The following DOK1 variants were observed in gnomAD, a reference collection of about 807,000 sequenced individuals.
DOK1 encodes the protein docking protein 1, also known as Downstream of tyrosine kinase 1.
DOK1 carries 12 observed loss-of-function variants against 24.0 expected under a neutral mutation model. The observed-to-expected ratio is 0.50, with a 90% confidence interval of 0.32 to 0.81. The LOEUF is 0.81. Among genes scored for constraint, DOK1 ranks in the 30% least tolerant of loss-of-function variants. DOK1 has a pLI of 0.03. For synonymous variants in DOK1, 250 were observed against 260.9 expected (o/e 0.96, Z 0.40); for missense variants, 591 against 620.7 (o/e 0.95, Z 0.51).
upstream of DOK1, chr2:74,552,516 T>C: frequency 6.2e-7 from 1 of 1,613,466 alleles, no homozygotes; most frequent in Non-Finnish European, 8.5e-7. Context: ...CCGAAGCCCC[T>C]GGCTCCCGGC....
At chr2:74,552,494 A>G, upstream of DOK1, 1 of 1,613,554 alleles carries the variant, frequency 6.2e-7, no homozygotes, top group East Asian at 2.2e-5. Context: ...TGGGGAAGCC[A>G]GCCAGCCGGA....
chr2:74,555,801 T>C lies in DOK1; in HGVS notation c.455-93T>C. On this transcript the variant is annotated intron_variant, in intron 3 of 4. Coordinates refer to ENST00000233668, the MANE Select transcript of DOK1 (RefSeq NM_001381.5). The surrounding 1 kb of genome is among the most constrained non-coding windows in gnomAD (Gnocchi z 6.1). ...AAGGCCCTGAGATCTGGCTTCCGAGTGAGTGCTTGGACACTATGCTCATGA... is the reference window on the plus strand; with the variant it reads ...AAGGCCCTGAGATCTGGCTTCCGAGCGAGTGCTTGGACACTATGCTCATGA... The C allele has an allele frequency of 6.3e-7, 1 of 1,583,562 alleles. No individual in the cohort carries two copies. Among genetic ancestry groups the C allele is most frequent in the Non-Finnish European group, 8.6e-7 (1 of 1,165,528 alleles).
chr2:74,551,810 T>G (rs1433928014), upstream of DOK1, among the ~76,000 whole-genome samples: 1 of 152,272 alleles, frequency 6.6e-6, no homozygotes. Context: ...GGAACTGCTC[T>G]TAAGCCTCCA....
chr2:74,556,169 C>G lies in DOK1; in HGVS notation c.639+91C>G. ...AAGTGGGAAGCTCTGACCTTTGGAT[C>G]CCCCTTTCTTGCCTACCCGGTGACC... On this transcript the variant is annotated intron_variant, in intron 4 of 4. Coordinates refer to ENST00000233668, the MANE Select transcript of DOK1 (RefSeq NM_001381.5). The surrounding 1 kb of genome is among the most constrained non-coding windows in gnomAD (Gnocchi z 4.1). 1 of 1,529,870 alleles carries G rather than the reference C, an allele frequency of 6.5e-7. No homozygotes were observed. Among genetic ancestry groups the G allele is most frequent in the Non-Finnish European group, 8.8e-7 (1 of 1,138,902 alleles). The allele number at this position is 1,529,870 out of a possible 1,614,324, so 94.8% of individuals were successfully genotyped here. A position where few individuals can be genotyped will look rare whatever the true frequency, so the allele number is the denominator to read the frequency against.
upstream of DOK1, chr2:74,550,180 C>T (rs1304256789): frequency 1.9e-6 from 3 of 1,611,536 alleles, no homozygotes; most frequent in South Asian, 1.1e-5. Context: ...CTAGGAAATG[C>T]AGACCTCAAT....
Position 74,556,069 on chromosome 2 carries a change from C to T in DOK1, c.630C>T (p.Gly210=), listed in dbSNP as rs1471263962. The change falls in exon 4 of 5, where the codon GGC becomes GGT. Residue 210 remains glycine (G), a synonymous_variant. Transcript: ENST00000233668. The surrounding 1 kb of genome is among the most constrained non-coding windows in gnomAD (Gnocchi z 4.1). ...CCTACACTCTGTTGCGTCGCTATGG[C>T]CGGGACAAGGTGCAGGGGCTGTCCG... ...SWPYTLLRRY[G]RDKVMFSFEA... The T allele has an allele frequency of 6.3e-7, 1 of 1,593,942 alleles. No individual in the cohort carries two copies. The highest frequency in any genetic ancestry group is 1.7e-5 in the Admixed American group (1 of 58,424).
upstream of DOK1, chr2:74,552,905 G>A: frequency 2.3e-6 from 1 of 436,558 alleles, no homozygotes; most frequent in Non-Finnish European, 4.1e-6. Context: ...GAGAGTCAGA[G>A]AAGGGTCAAT....
At chr2:74,552,466 G>C (rs373368024), upstream of DOK1, 1 of 1,613,676 alleles carries the variant, frequency 6.2e-7, no homozygotes, top group Non-Finnish European at 8.5e-7. Context: ...ATCTCCACGC[G>C]GCCCTCGTAG....
In DOK1 at chr2:74,554,735, G is replaced by A; in HGVS notation, c.-20G>A. The A allele has an allele frequency of 1.9e-6, 3 of 1,606,136 alleles. No individual in the cohort carries two copies. Among genetic ancestry groups the A allele is most frequent in the South Asian group, 2.2e-5 (2 of 91,000 alleles). The stretch of plus-strand genomic sequence containing the variant: ...CTCCCGCCGCAGGGCCAGGAAGCGC[G>A]GAAGGAACCGCCGGGGGCCATGGAC... On this transcript the variant is annotated 5_prime_UTR_variant, in exon 1 of 5. Coordinates refer to ENST00000233668, the MANE Select transcript of DOK1 (RefSeq NM_001381.5). This position sits in a 1 kb window ranked among gnomAD's most constrained non-coding sequence, Gnocchi z 4.9.
At position 74,549,546 on chromosome 2, in the gene DOK1, C is replaced by T. The variant is rs375565645; in HGVS notation, c.-358+374C>T. 36 of 1,611,442 alleles carry T rather than the reference C, an allele frequency of 2.2e-5. No homozygotes were observed. Among genetic ancestry groups the T allele is most frequent in the Non-Finnish European group, 3.1e-5 (36 of 1,178,398 alleles). ...TCGTCTGCCCCACCCAACGGCGGGT[C>T]GAATTCGCACCTCCTCCACTTGCAG... is the stretch of plus-strand genomic sequence containing the variant. On this transcript the variant is annotated intron_variant, in intron 1 of 4. Coordinates refer to the DOK1 transcript ENST00000409429. The surrounding 1 kb of genome is among the most constrained non-coding windows in gnomAD (Gnocchi z 5.3).
chr2:74,552,398 G>A, upstream of DOK1: 1 of 1,613,572 alleles, frequency 6.2e-7, no homozygotes, highest in Non-Finnish European at 8.5e-7. Flanking sequence ...AGAGGATGTG[G>A]GCAGCCTGCA....
rs370666999 is a variant in DOK1 at position 74,557,402 on chromosome 2, A to G, written c.*288A>G. 770 of 358,290 alleles carry G rather than the reference A, an allele frequency of 2.1e-3. 11 individuals are homozygous for G. The highest frequency in any genetic ancestry group is 6.1e-3 in the Middle Eastern group (8 of 1,304). The allele number at this position is 358,290 out of a possible 1,614,324, so 22.2% of individuals were successfully genotyped here. A position where few individuals can be genotyped will look rare whatever the true frequency, so the allele number is the denominator to read the frequency against. On this transcript the variant is annotated 3_prime_UTR_variant, in exon 5 of 5. Transcript: ENST00000233668. ...GGACCAGGTCTGTGGAAAGTGGTGCATGGTCAGAATGGGTGCAGTTTGAGG... is the reference window on the plus strand; with the variant it reads ...GGACCAGGTCTGTGGAAAGTGGTGCGTGGTCAGAATGGGTGCAGTTTGAGG...
chr2:74,555,414 T>C lies in DOK1; in HGVS notation c.321T>C (p.Ser107=). Residue 107 remains serine (S), a synonymous_variant, in exon 2 of 5, where the codon AGT becomes AGC. Coordinates refer to ENST00000233668, the MANE Select transcript of DOK1 (RefSeq NM_001381.5). The surrounding 1 kb of genome is among the most constrained non-coding windows in gnomAD (Gnocchi z 6.1). The part of the protein sequence containing the change: ...SHLLAADAPS[S]AAWVQTLCRN... ...TGCTGGCGGCCGACGCGCCGTCCAG[T>C]GCAGCCTGGGTGCAGACGCTGTGCC... 1 of 1,611,274 alleles carries C rather than the reference T, an allele frequency of 6.2e-7. No individual in the cohort carries two copies. Among genetic ancestry groups the C allele is most frequent in the Non-Finnish European group, 8.5e-7 (1 of 1,179,344 alleles).
chr2:74,552,648 T>C (rs1411333051), upstream of DOK1: 20 of 1,527,096 alleles, frequency 1.3e-5, no homozygotes, highest in Non-Finnish European at 1.7e-5. Context: ...AGGGAAGGCC[T>C]GGGTGCCCCA....
Position 74,556,406 on chromosome 2 carries a change from G to C in DOK1, c.738G>C (p.Glu246Asp). The C allele has an allele frequency of 6.2e-7, 1 of 1,614,110 alleles. No homozygotes were observed. The highest frequency in any genetic ancestry group is 8.5e-7 in the Non-Finnish European group (1 of 1,180,024). ...AQGNDIFQAVETAIHRQKAQG... is the reference protein window; with the variant it reads ...AQGNDIFQAVDTAIHRQKAQG... The stretch of plus-strand genomic sequence containing the variant: ...GAAATGACATCTTCCAGGCAGTTGA[G>C]ACTGCCATCCACCGGCAGAAGGCCC... Residue 246 changes from glutamate to aspartate, a missense_variant, in exon 5 of 5, where the codon GAG becomes GAC. Physicochemically the swap from Glu to Asp is conservative, Grantham distance 45. Transcript: ENST00000233668. This position sits in a 1 kb window ranked among gnomAD's most constrained non-coding sequence, Gnocchi z 4.1.
rs1374644375 is a variant in DOK1 at position 74,556,854 on chromosome 2, G to C, written c.1186G>C (p.Glu396Gln). Residue 396 changes from glutamate to glutamine, a missense_variant, in exon 5 of 5, where the codon GAG becomes CAG. By Grantham distance (29) the Glu-to-Gln change is conservative. Transcript: ENST00000233668. The surrounding 1 kb of genome is among the most constrained non-coding windows in gnomAD (Gnocchi z 4.1). ...GTGGTGCCAAGCTCGGGTGAAGGAGGAGGGCTATGAGCTCCCCTACAACCC... is the reference window on the plus strand; with the variant it reads ...GTGGTGCCAAGCTCGGGTGAAGGAGCAGGGCTATGAGCTCCCCTACAACCC... The part of the protein sequence containing the change: ...AWWCQARVKE[E>Q]GYELPYNPAT... 1 of 1,614,004 alleles carries C rather than the reference G, an allele frequency of 6.2e-7. No individual in the cohort carries two copies. Among genetic ancestry groups the C allele is most frequent in the East Asian group, 2.2e-5 (1 of 44,884 alleles).
upstream of DOK1, chr2:74,550,365 G>A (rs1676926927): frequency 1.2e-6 from 2 of 1,610,734 alleles, no homozygotes; most frequent in Non-Finnish European, 1.7e-6. Context: ...AAGGGGAGAT[G>A]AAGGGACAGA....
At position 74,556,930 on chromosome 2, in the gene DOK1, T is replaced by C; in HGVS notation, c.1262T>C (p.Leu421Pro). 6.2e-7 allele frequency: 1 copy of C among 1,614,080 alleles called. No homozygotes were observed. Among genetic ancestry groups the C allele is most frequent in the Non-Finnish European group, 8.5e-7 (1 of 1,179,980 alleles). Reference protein sequence around the residue: ...VPPPRSTKPLLAPKPQGPAFP... With the variant: ...VPPPRSTKPLPAPKPQGPAFP... ...CCCCCTCGGAGCACAAAGCCCCTCC[T>C]TGCTCCCAAGCCCCAGGGCCCAGCC... The change falls in exon 5 of 5, where the codon CTT becomes CCT. Residue 421 changes from leucine to proline, a missense_variant. Coordinates refer to ENST00000233668, the MANE Select transcript of DOK1 (RefSeq NM_001381.5). The surrounding 1 kb of genome is among the most constrained non-coding windows in gnomAD (Gnocchi z 4.1).
rs1677431194 is a variant in DOK1, at chr2:74,555,979, T to C, written c.540T>C (p.Ala180=). The part of the protein sequence containing the change: ...LHGSYVLRVE[A]ERLTLLTVGA... Reference sequence around the variant, plus strand: ...GCTCCTACGTGCTGAGGGTGGAGGCTGAAAGGCTGACTCTCCTGACCGTGG... The same window carrying C: ...GCTCCTACGTGCTGAGGGTGGAGGCCGAAAGGCTGACTCTCCTGACCGTGG... The change falls in exon 4 of 5, where the codon GCT becomes GCC. Residue 180 remains alanine, a synonymous_variant. Transcript: ENST00000233668. The surrounding 1 kb of genome is among the most constrained non-coding windows in gnomAD (Gnocchi z 6.1). 1 of 1,613,780 alleles carries C rather than the reference T, an allele frequency of 6.2e-7. No individual in the cohort carries two copies. Among genetic ancestry groups the C allele is most frequent in the Non-Finnish European group, 8.5e-7 (1 of 1,179,930 alleles).
Sources: allele counts gnomAD v4.1 joint callset (sites outside exome capture counted in the v4.1 genomes callset), GRCh38; gene constraint gnomAD v4.1.1; non-coding constraint Gnocchi (gnomAD v3.1); transcripts MANE v1.5; gene names NCBI Gene and HGNC (gene_info 2026-07-23, HGNC 2026-07-21).